TOM1L2: variants seen among roughly 807,000 people sequenced by gnomAD.
TOM1L2 encodes the protein TOM1-like protein 2.
In TOM1L2, 31 loss-of-function variants were observed where a neutral mutation model predicts 67.9. The observed-to-expected ratio is 0.46, with a 90% CI of 0.34 to 0.62. TOM1L2 has a LOEUF of 0.62. Ranked by LOEUF, TOM1L2 falls within the 20% of genes least tolerant of loss-of-function variation. The pLI is 0.01. For synonymous variants in TOM1L2, 256 were observed against 254.0 expected, an observed-to-expected ratio of 1.01 and a Z score of -0.07; for missense variants, 606 against 663.5, an observed-to-expected ratio of 0.91 and a Z score of 0.95.
intron 1 of TOM1L2, among the ~76,000 whole-genome samples, chr17:17,939,222 G>A (rs1188291903): frequency 3.9e-5 from 6 of 152,180 alleles, no homozygotes; most frequent in Non-Finnish European, 7.3e-5. Flanking sequence ...GTGTTGAGAC[G>A]AATACCAGGC....
chr17:17,923,844 A>G (rs965371797), intron 1 of TOM1L2, among the ~76,000 whole-genome samples: 2 of 152,126 alleles, frequency 1.3e-5, no homozygotes, highest in Admixed American at 6.5e-5. Flanking sequence ...GTGTCTAAAA[A>G]AGAAAAAAAA....
intron 1 of TOM1L2, among the ~76,000 whole-genome samples, chr17:17,969,144 C>T (rs1259304167): frequency 1.3e-5 from 2 of 151,712 alleles, no homozygotes; most frequent in African/African-American, 4.8e-5. Flanking sequence ...GCAACCTCTG[C>T]CTCCCAGGTT....
intron 8 of TOM1L2, among the ~76,000 whole-genome samples, 154 bp from the exon 9 acceptor site, chr17:17,867,078 G>A (rs904200333): frequency 2.6e-5 from 4 of 152,082 alleles, no homozygotes; most frequent in South Asian, 2.1e-4. Context: ...ACTCTGCCAC[G>A]GCTTCCTCTG....
intron 1 of TOM1L2, among the ~76,000 whole-genome samples, chr17:17,920,539 A>T (rs933288073): frequency 6.6e-6 from 1 of 151,212 alleles, no homozygotes; most frequent in Non-Finnish European, 1.5e-5. Flanking sequence ...GGGGTTTCAC[A>T]ATGTTGGCCA....
chr17:17,885,923 TC>T (rs2037975611), intron 4 of TOM1L2, among the ~76,000 whole-genome samples: 1 of 35,236 alleles, frequency 2.8e-5, no homozygotes, highest in African/African-American at 8.0e-5. Flanking sequence ...AGACTCCGTC[TC>T]AAAAAAAAAA....
At chr17:17,847,858 C>T (rs1045488096) in intron 14 of TOM1L2, 75 bp from the exon 15 acceptor site, 8 of 1,597,888 alleles carry the variant, frequency 5.0e-6, no homozygotes, top group Middle Eastern at 1.7e-4. Flanking sequence ...TTCCACTCCC[C>T]AGCCCGTTTC....
intron 1 of TOM1L2, among the ~76,000 whole-genome samples, chr17:17,956,099 C>G (rs1365506096): frequency 6.6e-6 from 1 of 152,172 alleles, no homozygotes; most frequent in African/African-American, 2.4e-5. Context: ...CAAAGCCTCC[C>G]CCGCACGAAA....
chr17:17,852,413 A>C (rs1188615946), intron 12 of TOM1L2, among the ~76,000 whole-genome samples: 1 of 152,228 alleles, frequency 6.6e-6, no homozygotes, highest in African/African-American at 2.4e-5. Flanking sequence ...CAGTGAGCTC[A>C]GCTGGCCCCT....
intron 1 of TOM1L2, among the ~76,000 whole-genome samples, chr17:17,919,615 C>T (rs188707542): frequency 7.5e-4 from 114 of 152,248 alleles, no homozygotes; most frequent in Admixed American, 1.4e-3. Context: ...CCCATAAGTC[C>T]ACATTTCCTG....
At chr17:17,910,559 T>G (rs1300852653) in intron 1 of TOM1L2, among the ~76,000 whole-genome samples, 1 of 151,970 alleles carries the variant, frequency 6.6e-6, no homozygotes, top group African/African-American at 2.4e-5. Flanking sequence ...CAGTGATTAT[T>G]ACTATTATTA....
chr17:17,897,775 C>T (rs2038644435), intron 3 of TOM1L2, among the ~76,000 whole-genome samples: 1 of 152,174 alleles, frequency 6.6e-6, no homozygotes, highest in African/African-American at 2.4e-5. Flanking sequence ...GGTAAACCTC[C>T]AGACCTCTCT....
At chr17:17,907,584 T>C (rs993296468) in intron 1 of TOM1L2, 53 bp from the exon 2 acceptor site, 24 of 1,551,082 alleles carry the variant, frequency 1.5e-5, no homozygotes, top group African/African-American at 2.7e-5. Context: ...TAAGTGGGCC[T>C]TGGCAGGAAA....
At chr17:17,883,866 G>C (rs2037854648) in intron 5 of TOM1L2, among the ~76,000 whole-genome samples, 1 of 152,178 alleles carries the variant, frequency 6.6e-6, no homozygotes, top group South Asian at 2.1e-4. Flanking sequence ...GATGGGCAGT[G>C]GGGGCAGGCA....
At chr17:17,881,952 C>G (rs1285001911) in intron 6 of TOM1L2, among the ~76,000 whole-genome samples, 1 of 152,132 alleles carries the variant, frequency 6.6e-6, no homozygotes, top group African/African-American at 2.4e-5. Flanking sequence ...TAAATATAAA[C>G]ATTGGAGAGT....
At chr17:17,907,680 G>C (rs2039160426) in intron 1 of TOM1L2, 149 bp from the exon 2 acceptor site, 2 of 651,374 alleles carry the variant, frequency 3.1e-6, no homozygotes, top group African/African-American at 3.6e-5. Context: ...ATTATCACAA[G>C]AGAACACCCG....
intron 12 of TOM1L2, among the ~76,000 whole-genome samples, chr17:17,857,043 C>A (rs1210306425): frequency 7.2e-5 from 11 of 152,216 alleles, no homozygotes; most frequent in Non-Finnish European, 1.5e-5. Context: ...CAATCTCTGC[C>A]TCCCAGGTTC....
intron 7 of TOM1L2, among the ~76,000 whole-genome samples, chr17:17,870,637 T>C (rs2037103930): frequency 6.6e-6 from 1 of 152,204 alleles, no homozygotes; most frequent in South Asian, 2.1e-4. Flanking sequence ...TGAAACCGTT[T>C]CTGGTAGAAG....
Position 17,882,996 on chromosome 17 carries a change from C to T in TOM1L2, c.502-133G>A, listed in dbSNP as rs976096043. Reference sequence around the variant, plus strand: ...CTCAAGGCCCTGCTCCACTGCTGCCCGGGTGAGGTTCACAGAACCCCACTG... The same window carrying T: ...CTCAAGGCCCTGCTCCACTGCTGCCTGGGTGAGGTTCACAGAACCCCACTG... On this transcript the variant is annotated intron_variant, in intron 5 of 14. Transcript: ENST00000379504. The T allele has an allele frequency of 4.6e-6, 5 of 1,084,036 alleles. No individual in the cohort carries two copies. In the African/African-American group the frequency reaches 7.9e-5, roughly 17 times the overall value. 67.2% of individuals were successfully genotyped at this position (1,084,036 alleles called of 1,614,324 possible). A position where few individuals can be genotyped will look rare whatever the true frequency, so the allele number is the denominator to read the frequency against.
rs1367246889 is a variant in TOM1L2, at chr17:17,951,205, G to C, written c.52+21057C>G. The stretch of plus-strand genomic sequence containing the variant: ...TGCGGGGCTGCAAGGAAAATGACCA[G>C]CACCCAGTAGACGGCAGTTCCCTCG... On this transcript the variant is annotated intron_variant, in intron 1 of 14. Transcript: ENST00000379504. Among the ~76,000 whole-genome samples the C allele has an allele frequency of 8.5e-5, 13 of 152,322 alleles. No individual in the cohort carries two copies. The South Asian group carries it at 2.5e-3, about 29-fold the overall frequency.
Sources: allele counts gnomAD v4.1 joint callset (sites outside exome capture counted in the v4.1 genomes callset), GRCh38; gene constraint gnomAD v4.1.1; transcripts MANE v1.5; gene names NCBI Gene and HGNC (gene_info 2026-07-23, HGNC 2026-07-21).